The following MYO18B variants were observed in gnomAD, a reference collection of about 807,000 sequenced individuals.
MYO18B encodes unconventional myosin-XVIIIb.
MYO18B carries 204 observed loss-of-function variants against 273.0 expected under a neutral mutation model. The observed-to-expected ratio is 0.75, with a 90% CI of 0.67 to 0.84. The LOEUF is 0.84. Ranked by LOEUF, MYO18B falls within the 40% of genes least tolerant of loss-of-function variation. MYO18B has a pLI of 0.00. For synonymous variants in MYO18B, 1,330 were observed against 1,305.7 expected (o/e 1.02, Z -0.40); for missense variants, 3,212 against 3,287.6 (o/e 0.98, Z 0.56).
intron 40 of MYO18B, among the ~76,000 whole-genome samples, chr22:26,001,462 T>C (rs939454407): frequency 2.0e-5 from 3 of 152,086 alleles, no homozygotes; most frequent in African/African-American, 4.8e-5. Flanking sequence ...AGAAGCCTGA[T>C]AGGAGGAGCT....
Position 25,908,331 on chromosome 22 carries a change from C to CGG in MYO18B, c.5159_5160dup (p.Phe1721GlyfsTer9). 6.3e-7 allele frequency: 1 copy of CGG among 1,584,140 alleles called. No homozygotes were observed. Among genetic ancestry groups the CGG allele is most frequent in the Non-Finnish European group, 8.6e-7 (1 of 1,165,406 alleles). ...CTTGCTGCCCCCGCAGCTCCGCCAG[C>CGG]GGTTTGAGCTGGAGATCGAGCGGAT... On this transcript the variant is annotated frameshift_variant, in exon 32 of 44. Coordinates refer to ENST00000335473, the MANE Select transcript of MYO18B (RefSeq NM_032608.7). LOFTEE classifies it high-confidence loss of function.
At chr22:25,930,537 G>A (rs1189409511) in intron 34 of MYO18B, among the ~76,000 whole-genome samples, 3 of 151,286 alleles carry the variant, frequency 2.0e-5, no homozygotes, top group Admixed American at 2.0e-4. Flanking sequence ...TTGAGGCAAG[G>A]TCTTGCCCTG....
In MYO18B at chr22:26,026,929, G is replaced by A. The variant is rs1198659083; in HGVS notation, c.6955G>A (p.Gly2319Ser). 3 of 1,612,592 alleles carry A rather than the reference G, an allele frequency of 1.9e-6. No homozygotes were observed. Among genetic ancestry groups the A allele is most frequent in the Non-Finnish European group, 2.5e-6 (3 of 1,179,116 alleles). Residue 2319 changes from glycine to serine, a missense_variant, in exon 43 of 44, where the codon GGT (glycine) becomes AGT (serine). Gly to Ser is a moderately conservative substitution (Grantham distance 56). Coordinates refer to ENST00000335473, the MANE Select transcript of MYO18B (RefSeq NM_032608.7). ...CCTGGAAATCGAAGGGGCCGCTGGT[G>A]GTCTCTTGAGGTCCACCAGCCTCAA... is the stretch of plus-strand genomic sequence containing the variant. ...SPLEIEGAAGGLLRSTSLKCI... is the reference protein window; with the variant it reads ...SPLEIEGAAGSLLRSTSLKCI...
intron 28 of MYO18B, chr22:25,896,905 A>G (rs2091817129): frequency 6.6e-6 from 1 of 152,212 alleles, no homozygotes; most frequent in Non-Finnish European, 1.5e-5. Flanking sequence ...ATCTCTTTCA[A>G]GTCGGTACCA....
chr22:26,034,154 T>C (rs1936731708), downstream of MYO18B, among the ~76,000 whole-genome samples: 1 of 152,198 alleles, frequency 6.6e-6, no homozygotes, highest in Non-Finnish European at 1.5e-5. Context: ...GGTTTCACCA[T>C]GTAGGCCAGG....
intron 30 of MYO18B, 22 bp downstream of exon 30, chr22:25,902,758 G>A: frequency 6.4e-7 from 1 of 1,563,080 alleles, no homozygotes; most frequent in South Asian, 1.2e-5. Context: ...GGGACACAGA[G>A]CTATCTTGGC....
intron 11 of MYO18B, among the ~76,000 whole-genome samples, chr22:25,792,481 C>CTTTT (rs376827286): frequency 0.13 from 6,761 of 53,824 alleles, 1,132 homozygotes; most frequent in East Asian, 0.27. Flanking sequence ...TGTGATGTTT[C>CTTTT]TTTTTTTTTT....
At chr22:25,807,535 G>A (rs906002513) in intron 12 of MYO18B, among the ~76,000 whole-genome samples, 6 of 152,290 alleles carry the variant, frequency 3.9e-5, no homozygotes, top group East Asian at 1.9e-4. Flanking sequence ...CTGATGAAGC[G>A]TAGGAAGGCT....
chr22:26,005,313 T>G (rs541682716), intron 42 of MYO18B, among the ~76,000 whole-genome samples: 115 of 152,320 alleles, frequency 7.5e-4, no homozygotes, highest in African/African-American at 2.7e-3. Flanking sequence ...GGAAAGTCAT[T>G]ATAAAGAAAT....
Position 26,027,485 on chromosome 22 carries a change from A to C in MYO18B, c.7511A>C (p.His2504Pro). ...KSPEPKEDPA[H>P]LSDSSSSSGS... The stretch of plus-strand genomic sequence containing the variant: ...CCGGAGCCCAAGGAGGATCCCGCTC[A>C]CCTGTCTGACTCGTCCTCATCCTCC... The change falls in exon 43 of 44, where the codon CAC (histidine) becomes CCC (proline). Residue 2504 changes from histidine (H) to proline (P), a missense_variant. Coordinates refer to ENST00000335473, the MANE Select transcript of MYO18B (RefSeq NM_032608.7). This position sits in a 1 kb window ranked among gnomAD's most constrained non-coding sequence, Gnocchi z 4.1. 1 of 1,613,960 alleles carries C rather than the reference A, an allele frequency of 6.2e-7. No homozygotes were observed. The highest frequency in any genetic ancestry group is 2.2e-5 in the East Asian group (1 of 44,876).
chr22:26,063,271 C>A, the MYO18B span, among the ~76,000 whole-genome samples: 1 of 152,122 alleles, frequency 6.6e-6, no homozygotes, highest in Non-Finnish European at 1.5e-5. Context: ...GGCAGAAGTG[C>A]CAAGAATACA....
chr22:25,911,717 G>A (rs946167413), intron 33 of MYO18B, among the ~76,000 whole-genome samples: 1 of 152,094 alleles, frequency 6.6e-6, no homozygotes, highest in South Asian at 2.1e-4. Flanking sequence ...CAGTTGTGAC[G>A]ACCAAAAATT....
At chr22:25,780,005 T>C (rs545485942) in intron 8 of MYO18B, 51 bp from the exon 9 acceptor site, 61 of 1,511,362 alleles carry the variant, frequency 4.0e-5, no homozygotes, top group Non-Finnish European at 5.4e-5. Context: ...GAGGTGGCAG[T>C]GGCAGCACCT....
chr22:25,815,003 G>A (rs887585422), intron 12 of MYO18B, among the ~76,000 whole-genome samples: 8 of 152,180 alleles, frequency 5.3e-5, no homozygotes, highest in Admixed American at 4.6e-4. Context: ...TTACATCACT[G>A]AATTGCAGGG....
chr22:25,859,374 GT>G, intron 21 of MYO18B, among the ~76,000 whole-genome samples: 1 of 152,060 alleles, frequency 6.6e-6, no homozygotes, highest in South Asian at 2.1e-4. Context: ...CTTTTTTTGG[GT>G]GCATTCTTGG....
chr22:25,758,517 T>C (rs1051051273), intron 1 of MYO18B, among the ~76,000 whole-genome samples: 1 of 149,670 alleles, frequency 6.7e-6, no homozygotes, highest in Non-Finnish European at 1.5e-5. Flanking sequence ...AGGAATGCAA[T>C]TGAGCAACAA....
At chr22:25,814,324 TTTTTTTTTTTTTTG>T in intron 12 of MYO18B, among the ~76,000 whole-genome samples, 1 of 70,596 alleles carries the variant, frequency 1.4e-5, no homozygotes, top group African/African-American at 5.1e-5. Flanking sequence ...TTTTTTTTTT[TTTTTTTTTTTTTTG>T]AGACAGAGTT....
chr22:25,893,280 C>A (rs182653474), intron 27 of MYO18B, among the ~76,000 whole-genome samples: 5 of 152,176 alleles, frequency 3.3e-5, no homozygotes, highest in African/African-American at 1.2e-4. Context: ...ATGCACTCAG[C>A]GTGGAGCTGG....
chr22:26,033,924 T>C (rs1021206902), downstream of MYO18B, among the ~76,000 whole-genome samples: 3 of 150,630 alleles, frequency 2.0e-5, no homozygotes, highest in East Asian at 1.9e-4. Flanking sequence ...TTCTTTCCTT[T>C]CTTTCTTTCC....
Sources: allele counts gnomAD v4.1 joint callset (sites outside exome capture counted in the v4.1 genomes callset), GRCh38; gene constraint gnomAD v4.1.1; non-coding constraint Gnocchi (gnomAD v3.1); transcripts MANE v1.5; gene names NCBI Gene and HGNC (gene_info 2026-07-23, HGNC 2026-07-21).